The following PCBP3 variants were observed in gnomAD, a reference collection of about 807,000 sequenced individuals.
PCBP3 encodes the protein poly(rC)-binding protein 3.
In PCBP3, 25 loss-of-function variants were observed where a neutral mutation model predicts 52.7. The ratio of observed to expected loss-of-function variants is 0.47; its 90% CI spans 0.35 to 0.66. PCBP3 has a LOEUF of 0.66. Among genes scored for constraint, PCBP3 ranks in the 30% least tolerant of loss-of-function variants. PCBP3 has a pLI of 0.01. For synonymous variants in PCBP3, 162 were observed against 183.0 expected (o/e 0.89, Z 0.93); for missense variants, 391 against 490.3 (o/e 0.80, Z 1.91).
At chr21:45,746,079 G>A (rs1339593088) in intron 3 of PCBP3, among the ~76,000 whole-genome samples, 1 of 131,178 alleles carries the variant, frequency 7.6e-6, no homozygotes, top group Non-Finnish European at 1.6e-5. Context: ...CTGACGTAGC[G>A]CACACGGTGT....
chr21:45,917,566 CGG>C lies in PCBP3; in HGVS notation c.676-19_676-18del. On this transcript the variant is annotated intron_variant, in intron 12 of 17. Coordinates refer to ENST00000681687, the MANE Select transcript of PCBP3 (RefSeq NM_001384156.1). The surrounding 1 kb of genome is among the most constrained non-coding windows in gnomAD (Gnocchi z 5.3). ...GTGGTGCAGCCAGGTTGCAGTCTGA[CGG>C]GGTCTCTCTCTCTCTCTAGGCCTAC... 2 of 1,607,326 alleles carry C rather than the reference CGG, an allele frequency of 1.2e-6. No homozygotes were observed. The highest frequency in any genetic ancestry group is 1.7e-6 in the Non-Finnish European group (2 of 1,174,676).
At chr21:45,840,317 C>T (rs1044869392) in intron 4 of PCBP3, among the ~76,000 whole-genome samples, 1 of 151,434 alleles carries the variant, frequency 6.6e-6, no homozygotes, top group Admixed American at 6.6e-5. Context: ...ATTAGCCAGG[C>T]ATGGTGGCGG....
At chr21:45,870,629 C>T (rs1025692623) in intron 5 of PCBP3, among the ~76,000 whole-genome samples, 2 of 152,208 alleles carry the variant, frequency 1.3e-5, no homozygotes, top group African/African-American at 2.4e-5. Context: ...CCTGGCCCTG[C>T]ACCCCGGGCT....
At chr21:45,831,986 C>G (rs1833036744) in intron 4 of PCBP3, among the ~76,000 whole-genome samples, 1 of 152,176 alleles carries the variant, frequency 6.6e-6, no homozygotes, top group Non-Finnish European at 1.5e-5. Flanking sequence ...GCTGGAATTA[C>G]AGGTGTGAGC....
intron 4 of PCBP3, among the ~76,000 whole-genome samples, chr21:45,842,990 G>T (rs1357431668): frequency 6.6e-6 from 1 of 150,518 alleles, no homozygotes; most frequent in East Asian, 1.9e-4. Flanking sequence ...TGTATCCTTT[G>T]GCATTTTTCA....
chr21:45,689,780 C>T (rs2082357066), intron 2 of PCBP3, among the ~76,000 whole-genome samples: 1 of 151,766 alleles, frequency 6.6e-6, no homozygotes. Flanking sequence ...ATAATAGTAC[C>T]CCAGAATATG....
intron 5 of PCBP3, chr21:45,873,333 T>C (rs1230803858): frequency 6.6e-6 from 1 of 152,208 alleles, no homozygotes; most frequent in Non-Finnish European, 1.5e-5. Context: ...ATTAAACAAC[T>C]GCATGTACCT....
intron 2 of PCBP3, among the ~76,000 whole-genome samples, chr21:45,708,978 T>C (rs2083642078): frequency 6.6e-6 from 1 of 152,380 alleles, no homozygotes; most frequent in Non-Finnish European, 1.5e-5. Flanking sequence ...CTTCAGTGCC[T>C]GGTAGATGTG....
chr21:45,822,341 C>A (rs537465514), intron 4 of PCBP3, among the ~76,000 whole-genome samples: 1 of 152,202 alleles, frequency 6.6e-6, no homozygotes, highest in Non-Finnish European at 1.5e-5. Context: ...CGGTGTTCTG[C>A]GTTCTTTTAA....
chr21:45,770,599 T>C (rs1034388855), intron 4 of PCBP3, among the ~76,000 whole-genome samples: 17 of 152,214 alleles, frequency 1.1e-4, no homozygotes, highest in African/African-American at 4.1e-4. Flanking sequence ...CCAGCGTGCA[T>C]GTATGGACAT....
intron 4 of PCBP3, among the ~76,000 whole-genome samples, chr21:45,797,746 TAGAG>T (rs1331194964): frequency 1.4e-5 from 2 of 139,724 alleles, no homozygotes; most frequent in African/African-American, 2.7e-5. Flanking sequence ...CGTGGATCCA[TAGAG>T]AGAGTGAATG....
chr21:45,800,704 C>G lies in PCBP3; in HGVS notation c.-126+45252C>G, dbSNP rs1257769579. On this transcript the variant is annotated intron_variant, in intron 4 of 17. Transcript: ENST00000681687. This position sits in a 1 kb window ranked among gnomAD's most constrained non-coding sequence, Gnocchi z 5.3. The stretch of plus-strand genomic sequence containing the variant: ...CCTCCTGAGCCTGGGTGAGGTGGCC[C>G]TCCCACCTGGGCCATGTGCCTCACT... Among the ~76,000 whole-genome samples, 1 of 152,232 alleles carries G rather than the reference C, an allele frequency of 6.6e-6. No individual in the cohort carries two copies. Among genetic ancestry groups the G allele is most frequent in the African/African-American group, 2.4e-5 (1 of 41,478 alleles).
chr21:45,906,498 T>C (rs1333311160), intron 9 of PCBP3, among the ~76,000 whole-genome samples: 1 of 152,110 alleles, frequency 6.6e-6, no homozygotes, highest in Non-Finnish European at 1.5e-5. Flanking sequence ...TGAGCCCTTC[T>C]TTTGGATTTG....
chr21:45,844,372 C>T (rs1216435346), intron 4 of PCBP3, among the ~76,000 whole-genome samples: 1 of 152,104 alleles, frequency 6.6e-6, no homozygotes, highest in African/African-American at 2.4e-5. Context: ...TGGTGCTGCC[C>T]TGCCCTCCAG....
chr21:45,830,641 G>A lies in PCBP3; in HGVS notation c.-125-19320G>A, dbSNP rs2093424089. On this transcript the variant is annotated intron_variant, in intron 4 of 17. Transcript: ENST00000681687. This position sits in a 1 kb window ranked among gnomAD's most constrained non-coding sequence, Gnocchi z 4.4. ...CTGGACCAGGAGGACACCAAGGACT[G>A]CCCCTGGGACAGCAGCCGCCCCTTT... 6.6e-6 allele frequency: 1 copy of A among 152,424 alleles called. No homozygotes were observed. Among genetic ancestry groups the A allele is most frequent in the Non-Finnish European group, 1.5e-5 (1 of 68,090 alleles). The allele number at this position is 152,424 out of a possible 1,614,324, so 9.4% of individuals were successfully genotyped here.
chr21:45,814,488 GGTGA>G (rs149346956), intron 4 of PCBP3, among the ~76,000 whole-genome samples: 1 of 71,268 alleles, frequency 1.4e-5, no homozygotes, highest in Non-Finnish European at 2.8e-5. Context: ...AGTGATGAGT[GGTGA>G]GTGAGTGGTG....
intron 5 of PCBP3, among the ~76,000 whole-genome samples, chr21:45,865,833 A>T (rs1311216619): frequency 1.3e-5 from 2 of 152,210 alleles, no homozygotes; most frequent in African/African-American, 4.8e-5. Context: ...GCTGTCCTGC[A>T]GAGGCCTCAG....
At chr21:45,871,898 C>T (rs890240620) in intron 5 of PCBP3, 6 of 152,248 alleles carry the variant, frequency 3.9e-5, no homozygotes, top group African/African-American at 1.4e-4. Flanking sequence ...GACAGTTCCC[C>T]TGGGATGTGG....
intron 1 of PCBP3, among the ~76,000 whole-genome samples, chr21:45,647,626 C>G (rs2079404336): frequency 6.6e-6 from 1 of 152,030 alleles, no homozygotes; most frequent in African/African-American, 2.4e-5. Context: ...AACCGGAGTA[C>G]AGAGTGTGTA....
Sources: gnomAD v4.1 joint callset for allele counts (sites outside exome capture counted in the v4.1 genomes callset) on GRCh38, gnomAD v4.1.1 for gene constraint, Gnocchi (gnomAD v3.1) non-coding constraint, MANE v1.5 for transcripts, NCBI Gene and HGNC (gene_info 2026-07-23, HGNC 2026-07-21) for gene names.